The following IDI1 variants were observed in gnomAD, a reference collection of about 807,000 sequenced individuals.
IDI1 encodes the protein isopentenyl-diphosphate Delta-isomerase 1.
IDI1 carries 23 observed loss-of-function variants against 32.9 expected under a neutral mutation model. That is an observed-to-expected ratio of 0.70 (90% CI 0.50 to 0.99). The LOEUF (loss-of-function observed/expected upper bound fraction) is 0.99, where lower values mean the gene tolerates loss of function less well. Among genes scored for constraint, IDI1 ranks in the 50% least tolerant of loss-of-function variants. IDI1 has a pLI of 0.00. For missense variants in IDI1, 326 were observed against 351.9 expected, an observed-to-expected ratio of 0.93 and a Z score of 0.59; for synonymous variants, 133 against 128.2, an observed-to-expected ratio of 1.04 and a Z score of -0.25.
chr10:1,056,014 G>A, the IDI1 span, among the ~76,000 whole-genome samples: 4 of 152,096 alleles, frequency 2.6e-5, no homozygotes, highest in African/African-American at 9.7e-5. Context: ...TCACCATGTT[G>A]GCCAGGCTGG....
rs1319590228 is a variant in IDI1, at chr10:1,044,179, T to TAAAGGA, written c.141-14_141-9dup. 2 of 1,591,734 alleles carry TAAAGGA rather than the reference T, an allele frequency of 1.3e-6. No individual in the cohort carries two copies. The highest frequency in any genetic ancestry group is 1.7e-6 in the Non-Finnish European group (2 of 1,168,592). ...CTGATCTGTTCTAGAACACTAATAT[T>TAAAGGA]AAAGGAAAAGAGAAAGAAAGGCCAT... On this transcript the variant is annotated splice_polypyrimidine_tract_variant and intron_variant, in intron 1 of 4. Transcript: ENST00000381344.
chr10:1,043,994 A>T lies in IDI1; in HGVS notation c.313+5T>A. The stretch of plus-strand genomic sequence containing the variant: ...TTTACAAGAAAGACTGTTTCAAAGC[A>T]GCACCTTTCTCAATGTTCTCGTTCA... On this transcript the variant is annotated splice_donor_5th_base_variant and intron_variant, in intron 2 of 4. Coordinates refer to ENST00000381344, the MANE Select transcript of IDI1 (RefSeq NM_004508.4). The T allele has an allele frequency of 6.2e-7, 1 of 1,609,134 alleles. No homozygotes were observed. Among genetic ancestry groups the T allele is most frequent in the South Asian group, 1.1e-5 (1 of 90,610 alleles).
chr10:1,040,992 T>C lies in IDI1; in HGVS notation c.*195A>G. On this transcript the variant is annotated 3_prime_UTR_variant, in exon 5 of 5. Transcript: ENST00000381344. ...TTAGAAACAGAACACATATCCAGGG[T>C]GTGTGATACAAAATTATAAGTTAGT... 1 of 494,158 alleles carries C rather than the reference T, an allele frequency of 2.0e-6. No homozygotes were observed. The highest frequency in any genetic ancestry group is 3.6e-5 in the South Asian group (1 of 27,926). 30.6% of individuals were successfully genotyped at this position (494,158 alleles called of 1,614,324 possible).
At chr10:1,049,723 C>G (rs1235071076), upstream of IDI1, 2 of 152,126 alleles carry the variant, frequency 1.3e-5, no homozygotes, top group Non-Finnish European at 2.9e-5. Flanking sequence ...GGTGCAGTCT[C>G]CGCTCACAGC....
At chr10:1,051,293 T>G (rs1375568847), upstream of IDI1, among the ~76,000 whole-genome samples, 1 of 152,260 alleles carries the variant, frequency 6.6e-6, no homozygotes, top group Non-Finnish European at 1.5e-5. Flanking sequence ...GGCTTCCACA[T>G]AAAGTCACCA....
chr10:1,042,570 A>G (rs1040172745), intron 4 of IDI1, 62 bp downstream of exon 4: 8 of 1,571,396 alleles, frequency 5.1e-6, no homozygotes, highest in East Asian at 2.2e-5. Flanking sequence ...AAATTTTATT[A>G]AAAACCTTTT....
intron 1 of IDI1, among the ~76,000 whole-genome samples, chr10:1,046,252 A>G (rs1432856133): frequency 6.6e-6 from 1 of 152,222 alleles, no homozygotes; most frequent in Admixed American, 6.5e-5. Flanking sequence ...TGCATATACT[A>G]CAGTGGTTCC....
upstream of IDI1, among the ~76,000 whole-genome samples, chr10:1,051,797 G>C (rs1033628425): frequency 2.0e-5 from 3 of 152,204 alleles, no homozygotes; most frequent in African/African-American, 7.2e-5. Context: ...GGCTGTTGCA[G>C]TTTCTTAAAA....
chr10:1,051,904 G>A (rs758769398), upstream of IDI1, among the ~76,000 whole-genome samples: 3 of 152,168 alleles, frequency 2.0e-5, no homozygotes, highest in East Asian at 1.9e-4. Flanking sequence ...ACAGAGTCTC[G>A]TTCTTTCGCC....
chr10:1,049,102 C>T lies in IDI1; in HGVS notation c.-99G>A. ...CTGGCCTGTGACAACGGCAGACGCG[C>T]GAAGCACCGGGAACCTGAGCCGTGA... is the stretch of plus-strand genomic sequence containing the variant. On this transcript the variant is annotated 5_prime_UTR_variant, in exon 1 of 5. Coordinates refer to ENST00000381344, the MANE Select transcript of IDI1 (RefSeq NM_004508.4). 1 of 1,405,362 alleles carries T rather than the reference C, an allele frequency of 7.1e-7. No homozygotes were observed. Among genetic ancestry groups the T allele is most frequent in the Non-Finnish European group, 9.2e-7 (1 of 1,087,056 alleles). 87.1% of individuals were successfully genotyped at this position (1,405,362 alleles called of 1,614,324 possible).
intron 1 of IDI1, among the ~76,000 whole-genome samples, chr10:1,047,753 C>G (rs1303510070): frequency 6.6e-6 from 1 of 152,252 alleles, no homozygotes; most frequent in Non-Finnish European, 1.5e-5. Context: ...TTAAGTGATG[C>G]GGGCCGAACG....
Position 1,044,102 on chromosome 10 carries a change from C to G in IDI1, c.210G>C (p.Gln70His). 1 of 1,613,836 alleles carries G rather than the reference C, an allele frequency of 6.2e-7. No homozygotes were observed. The highest frequency in any genetic ancestry group is 8.5e-7 in the Non-Finnish European group (1 of 1,179,742). The change falls in exon 2 of 5, where the codon CAG (glutamine) becomes CAC (histidine). Residue 70 changes from glutamine (Q) to histidine (H), a missense_variant. Coordinates refer to ENST00000381344, the MANE Select transcript of IDI1 (RefSeq NM_004508.4). ...TACACATCTCTGCCAGGAGTTGAAC[C>G]TGTTGCTTGTCGAGGTGGTTAGTGT... ...EINTNHLDKQ[Q>H]VQLLAEMCIL...
the IDI1 span, among the ~76,000 whole-genome samples, chr10:1,055,818 A>AT: frequency 1.1e-4 from 16 of 149,110 alleles, no homozygotes; most frequent in Admixed American, 8.0e-4. Context: ...GAGCTTCCTT[A>AT]TTTTTTTTTG....
chr10:1,043,244 T>C (rs1832670734), intron 3 of IDI1, 57 bp downstream of exon 3: 1 of 1,045,622 alleles, frequency 9.6e-7, no homozygotes, highest in Admixed American at 1.9e-5. Flanking sequence ...GAATTCAGAA[T>C]GATAAAAAGT....
At chr10:1,048,625 G>T (rs1305688344) in intron 1 of IDI1, 2 of 1,405,218 alleles carry the variant, frequency 1.4e-6, no homozygotes, top group East Asian at 5.5e-5. Flanking sequence ...GAATGGCAAC[G>T]TCTCTGACGC....
upstream of IDI1, among the ~76,000 whole-genome samples, chr10:1,049,913 G>A (rs1298418935): frequency 3.9e-5 from 6 of 152,156 alleles, no homozygotes; most frequent in Admixed American, 1.3e-4. Context: ...TCAGCTTACC[G>A]AAGTGCTGAG....
chr10:1,052,424 T>C (rs951173036), upstream of IDI1, among the ~76,000 whole-genome samples: 3 of 152,202 alleles, frequency 2.0e-5, no homozygotes, highest in African/African-American at 4.8e-5. Context: ...AAAATGTATT[T>C]CTTAAATAAT....
rs778100895 is a variant in IDI1 at position 1,043,400 on chromosome 10, G to A, written c.314-7C>T. The A allele has an allele frequency of 5.1e-6, 8 of 1,565,316 alleles. No homozygotes were observed. In the East Asian group the frequency reaches 1.8e-4, roughly 35 times the overall value. ...AAAGCTCGATGCAATAATCCTGAAAGCAAAAGAAATAACAATTATTTTAGC... is the reference window on the plus strand; with the variant it reads ...AAAGCTCGATGCAATAATCCTGAAAACAAAAGAAATAACAATTATTTTAGC... On this transcript the variant is annotated splice_region_variant and splice_polypyrimidine_tract_variant and intron_variant, in intron 2 of 4. Coordinates refer to ENST00000381344, the MANE Select transcript of IDI1 (RefSeq NM_004508.4).
In IDI1 at chr10:1,041,008, A is replaced by G. The variant is rs1425012799; in HGVS notation, c.*179T>C. 4 of 505,328 alleles carry G rather than the reference A, an allele frequency of 7.9e-6. No homozygotes were observed. The highest frequency in any genetic ancestry group is 7.0e-5 in the Admixed American group (2 of 28,472). The allele number at this position is 505,328 out of a possible 1,614,324, so 31.3% of individuals were successfully genotyped here. A position where few individuals can be genotyped will look rare whatever the true frequency, so the allele number is the denominator to read the frequency against. On this transcript the variant is annotated 3_prime_UTR_variant, in exon 5 of 5. Coordinates refer to ENST00000381344, the MANE Select transcript of IDI1 (RefSeq NM_004508.4). The stretch of plus-strand genomic sequence containing the variant: ...TATCCAGGGTGTGTGATACAAAATT[A>G]TAAGTTAGTTTTTTCCACACAAGTT...
Sources: gnomAD v4.1 joint callset for allele counts (sites outside exome capture counted in the v4.1 genomes callset) on GRCh38, gnomAD v4.1.1 for gene constraint, MANE v1.5 for transcripts, NCBI Gene and HGNC (gene_info 2026-07-23, HGNC 2026-07-21) for gene names.